The following HIBADH variants were observed in gnomAD, a reference collection of about 807,000 sequenced individuals.
The protein encoded by HIBADH is 3-hydroxyisobutyrate dehydrogenase.
In HIBADH, 25 loss-of-function variants were observed where a neutral mutation model predicts 36.1. The ratio of observed to expected loss-of-function variants is 0.69; its 90% CI spans 0.50 to 0.97. The LOEUF (loss-of-function observed/expected upper bound fraction) is 0.97, where lower values mean the gene tolerates loss of function less well. Ranked by LOEUF, HIBADH falls within the 50% of genes least tolerant of loss-of-function variation. The pLI is 0.00. For missense variants in HIBADH, 421 were observed against 418.0 expected (o/e 1.01, Z -0.06); for synonymous variants, 160 against 149.5 (o/e 1.07, Z -0.51).
At chr7:27,648,153 T>C (rs1313916801) in intron 2 of HIBADH, among the ~76,000 whole-genome samples, 1 of 152,200 alleles carries the variant, frequency 6.6e-6, no homozygotes, top group Non-Finnish European at 1.5e-5. Flanking sequence ...CAACTTGAAA[T>C]GCTCACCATC....
chr7:27,546,299 G>T (rs1156275859), intron 4 of HIBADH, among the ~76,000 whole-genome samples: 2 of 151,774 alleles, frequency 1.3e-5, no homozygotes, highest in African/African-American at 4.8e-5. Flanking sequence ...TGTTGTTTTT[G>T]GTAGAGATGG....
At chr7:27,587,674 A>C (rs1191333815) in intron 4 of HIBADH, among the ~76,000 whole-genome samples, 3 of 152,122 alleles carry the variant, frequency 2.0e-5, no homozygotes, top group Non-Finnish European at 4.4e-5. Flanking sequence ...TTACCGCTAC[A>C]ATTAGGAGGT....
At chr7:27,543,483 T>G (rs1784189381) in intron 4 of HIBADH, among the ~76,000 whole-genome samples, 1 of 152,182 alleles carries the variant, frequency 6.6e-6, no homozygotes, top group South Asian at 2.1e-4. Flanking sequence ...TGGGCCCTGA[T>G]CAGCAAAGGA....
chr7:27,551,365 A>C (rs1412068695), intron 4 of HIBADH, among the ~76,000 whole-genome samples: 2 of 152,218 alleles, frequency 1.3e-5, no homozygotes, highest in African/African-American at 2.4e-5. Context: ...GAAAACAGTG[A>C]TAAAAACACT....
At chr7:27,613,064 A>T (rs973069021) in intron 4 of HIBADH, among the ~76,000 whole-genome samples, 182 of 134,294 alleles carry the variant, frequency 1.4e-3, no homozygotes, top group African/African-American at 4.2e-3. Flanking sequence ...AATATAATTT[A>T]TATATATTAC....
At chr7:27,621,021 A>G (rs1463889345) in intron 4 of HIBADH, among the ~76,000 whole-genome samples, 1 of 152,198 alleles carries the variant, frequency 6.6e-6, no homozygotes, top group African/African-American at 2.4e-5. Flanking sequence ...CAGCTAAAGT[A>G]AAAGAATGGA....
At chr7:27,586,051 C>T (rs1157489895) in intron 4 of HIBADH, among the ~76,000 whole-genome samples, 1 of 152,186 alleles carries the variant, frequency 6.6e-6, no homozygotes, top group Non-Finnish European at 1.5e-5. Context: ...AACAAACTGA[C>T]TTCACATCAG....
chr7:27,538,078 T>A (rs1784093108), intron 6 of HIBADH, among the ~76,000 whole-genome samples: 1 of 152,146 alleles, frequency 6.6e-6, no homozygotes, highest in East Asian at 1.9e-4. Context: ...GGGTCCCACA[T>A]AAAAAGGATA....
intron 4 of HIBADH, among the ~76,000 whole-genome samples, chr7:27,545,924 T>C (rs570667089): frequency 1.3e-5 from 2 of 152,304 alleles, no homozygotes; most frequent in South Asian, 2.1e-4. Context: ...ATAAATAGCA[T>C]GGTAGAAAGG....
At chr7:27,571,019 A>G (rs753122032) in intron 4 of HIBADH, among the ~76,000 whole-genome samples, 1 of 151,808 alleles carries the variant, frequency 6.6e-6, no homozygotes. Flanking sequence ...CTTTCTATTC[A>G]TGTCTCAACT....
In HIBADH at chr7:27,526,172, C is replaced by CA. The variant is rs781180188; in HGVS notation, c.*41dup. On this transcript the variant is annotated 3_prime_UTR_variant, in exon 8 of 8. Transcript: ENST00000265395. The stretch of plus-strand genomic sequence containing the variant: ...AGTGAGCTAAAAGGAGGCTCCAAGA[C>CA]AGAGTTTGGTTCCCAACAGTGTCCG... 7 of 1,529,878 alleles carry CA rather than the reference C, an allele frequency of 4.6e-6. No homozygotes were observed. In the East Asian group the frequency reaches 9.6e-5, roughly 21 times the overall value. 94.8% of individuals were successfully genotyped at this position (1,529,878 alleles called of 1,614,324 possible).
chr7:27,603,146 C>T (rs1009726215), intron 4 of HIBADH, among the ~76,000 whole-genome samples: 1 of 152,070 alleles, frequency 6.6e-6, no homozygotes, highest in African/African-American at 2.4e-5. Flanking sequence ...ACCTTGGCAG[C>T]TTTTTCTCTG....
intron 4 of HIBADH, among the ~76,000 whole-genome samples, chr7:27,564,774 A>G (rs1338286251): frequency 6.6e-6 from 1 of 152,188 alleles, no homozygotes; most frequent in Non-Finnish European, 1.5e-5. Flanking sequence ...AACACAGTAC[A>G]CTTCATTTAT....
rs148534497 is a variant in HIBADH at position 27,547,461 on chromosome 7, A to G, written c.485-4361T>C. 4.4e-3 allele frequency among the ~76,000 whole-genome samples: 667 copies of G among 152,160 alleles called. 4 individuals carry two copies. Among genetic ancestry groups the G allele is most frequent in the Middle Eastern group, 0.02 (6 of 294 alleles). The stretch of plus-strand genomic sequence containing the variant: ...GGTCTGTATCCCCTAGAATAACACT[A>G]CCTCCATGAGGGCAGTGATTGTTGG... On this transcript the variant is annotated intron_variant, in intron 4 of 7. Coordinates refer to ENST00000265395, the MANE Select transcript of HIBADH (RefSeq NM_152740.4).
At chr7:27,593,448 C>T (rs949704304) in intron 4 of HIBADH, among the ~76,000 whole-genome samples, 2 of 151,914 alleles carry the variant, frequency 1.3e-5, no homozygotes, top group African/African-American at 4.8e-5. Context: ...CTGACTCATA[C>T]TAGAAACATA....
intron 4 of HIBADH, among the ~76,000 whole-genome samples, chr7:27,546,228 G>A (rs1395077568): frequency 2.0e-5 from 3 of 151,980 alleles, no homozygotes; most frequent in African/African-American, 4.8e-5. Flanking sequence ...TCAGCCTTTC[G>A]AGTAGCTCGG....
At chr7:27,645,330 T>A (rs1326486495) in intron 2 of HIBADH, among the ~76,000 whole-genome samples, 6 of 150,760 alleles carry the variant, frequency 4.0e-5, no homozygotes, top group African/African-American at 1.5e-4. Context: ...TATCTAACTT[T>A]TTAATCTAGA....
At chr7:27,550,828 C>T (rs912904320) in intron 4 of HIBADH, among the ~76,000 whole-genome samples, 5 of 152,144 alleles carry the variant, frequency 3.3e-5, no homozygotes, top group South Asian at 4.1e-4. Flanking sequence ...TCTTAGTAGG[C>T]AGGCAGATAT....
At chr7:27,554,080 G>A (rs1378009107) in intron 4 of HIBADH, among the ~76,000 whole-genome samples, 1 of 152,080 alleles carries the variant, frequency 6.6e-6, no homozygotes, top group Non-Finnish European at 1.5e-5. Context: ...CCACCTCCCG[G>A]GTTCAAGTGA....
Sources: allele counts gnomAD v4.1 joint callset (sites outside exome capture counted in the v4.1 genomes callset), GRCh38; gene constraint gnomAD v4.1.1; transcripts MANE v1.5; gene names NCBI Gene and HGNC (gene_info 2026-07-23, HGNC 2026-07-21).